FER: variants seen among roughly 807,000 people sequenced by gnomAD.
FER encodes FER tyrosine kinase.
A neutral mutation model predicts 111.0 loss-of-function variants in FER; 63 were observed. The observed-to-expected ratio is 0.57, with a 90% CI of 0.46 to 0.70. FER has a LOEUF of 0.70. FER is among the 30% of genes least tolerant of loss of function. The pLI is 0.00. For missense variants in FER, 914 were observed against 954.0 expected (o/e 0.96, Z 0.55); for synonymous variants, 327 against 313.9 (o/e 1.04, Z -0.44).
chr5:108,845,041 CATATATATATAT>C (rs1232663960), intron 5 of FER, among the ~76,000 whole-genome samples: 2 of 46,418 alleles, frequency 4.3e-5, no homozygotes, highest in Non-Finnish European at 8.3e-5. Flanking sequence ...TATATATATA[CATATATATATAT>C]ATATATATAT....
chr5:108,937,666 A>G (rs1755657786), intron 10 of FER, among the ~76,000 whole-genome samples: 1 of 151,880 alleles, frequency 6.6e-6, no homozygotes, highest in Non-Finnish European at 1.5e-5. Flanking sequence ...GTAGGGGAAT[A>G]AATGTTTCAT....
intron 3 of FER, among the ~76,000 whole-genome samples, chr5:108,800,005 G>A (rs891035552): frequency 6.6e-6 from 1 of 151,808 alleles, no homozygotes; most frequent in African/African-American, 2.4e-5. Context: ...ACTACACCTG[G>A]CTAATTTTTG....
intron 17 of FER, among the ~76,000 whole-genome samples, chr5:109,138,738 C>T (rs143746835): frequency 6.6e-6 from 1 of 152,244 alleles, no homozygotes; most frequent in African/African-American, 2.4e-5. Context: ...AGTCACTTAC[C>T]CTCTCGAAGC....
rs780976621 is a variant in FER, at chr5:109,047,137, C to T, written c.1863C>T (p.Val621=). ...ILKQYDHPNI[V]KLIGVCTQRQ... The stretch of plus-strand genomic sequence containing the variant: ...AGCAATATGATCATCCCAATATTGT[C>T]AAACTTATAGGAGTTTGCACACAAA... Residue 621 remains valine (V), a synonymous_variant, in exon 16 of 20, where the codon GTC becomes GTT. Transcript: ENST00000281092. 6.2e-6 allele frequency: 10 copies of T among 1,606,440 alleles called. No individual in the cohort carries two copies. The highest frequency in any genetic ancestry group is 5.6e-5 in the South Asian group (5 of 90,076).
intron 16 of FER, among the ~76,000 whole-genome samples, chr5:109,088,683 C>A (rs959668780): frequency 2.0e-5 from 3 of 152,074 alleles, no homozygotes; most frequent in Non-Finnish European, 4.4e-5. Flanking sequence ...ATGCATAAAT[C>A]ATTAAGCTAA....
chr5:108,777,618 TG>T (rs2149985881), intron 2 of FER, among the ~76,000 whole-genome samples: 1 of 152,306 alleles, frequency 6.6e-6, no homozygotes, highest in Admixed American at 6.5e-5. Flanking sequence ...TGGCAACCAC[TG>T]ATCTTTTTAC....
intron 13 of FER, among the ~76,000 whole-genome samples, chr5:108,960,392 T>C (rs999207152): frequency 6.6e-6 from 1 of 152,130 alleles, no homozygotes; most frequent in African/African-American, 2.4e-5. Context: ...TCTAATTCTC[T>C]GGTTAAGGAA....
At chr5:109,076,100 TA>T (rs576288251) in intron 16 of FER, among the ~76,000 whole-genome samples, 154 of 152,202 alleles carry the variant, frequency 1.0e-3, no homozygotes, top group Non-Finnish European at 1.8e-3. Context: ...CCTACATTTT[TA>T]TATTAATTAT....
At chr5:109,019,408 A>G (rs998117032) in intron 13 of FER, among the ~76,000 whole-genome samples, 18 of 151,880 alleles carry the variant, frequency 1.2e-4, no homozygotes, top group Middle Eastern at 3.4e-3. Flanking sequence ...CAAAAGTATC[A>G]TTGTTAGTAT....
At chr5:108,935,558 A>T (rs1176037186) in intron 10 of FER, among the ~76,000 whole-genome samples, 1 of 152,082 alleles carries the variant, frequency 6.6e-6, no homozygotes, top group Non-Finnish European at 1.5e-5. Context: ...GGGAGGTGGT[A>T]GTCACCATCC....
chr5:108,929,750 C>G (rs1754299815), intron 10 of FER, among the ~76,000 whole-genome samples: 2 of 151,948 alleles, frequency 1.3e-5, no homozygotes, highest in African/African-American at 4.8e-5. Flanking sequence ...GACCTTGTCT[C>G]CAAGTTAAAA....
intron 16 of FER, among the ~76,000 whole-genome samples, chr5:109,057,200 C>G (rs888615589): frequency 6.6e-6 from 1 of 152,152 alleles, no homozygotes; most frequent in Non-Finnish European, 1.5e-5. Flanking sequence ...CTCAAAGTAA[C>G]AACCTCAGCT....
intron 16 of FER, among the ~76,000 whole-genome samples, chr5:109,072,773 C>G (rs566155068): frequency 1.3e-5 from 2 of 152,134 alleles, no homozygotes; most frequent in East Asian, 3.9e-4. Flanking sequence ...GAAATTTATT[C>G]TCTCACAACT....
intron 13 of FER, among the ~76,000 whole-genome samples, chr5:108,975,289 T>C (rs1263451843): frequency 2.6e-5 from 4 of 152,086 alleles, no homozygotes; most frequent in African/African-American, 9.7e-5. Context: ...TTAGGATAAA[T>C]AGCTAATGCA....
intron 18 of FER, 64 bp from the exon 19 acceptor site, chr5:109,186,136 C>T: frequency 6.2e-7 from 1 of 1,609,962 alleles, no homozygotes; most frequent in Non-Finnish European, 8.5e-7. Context: ...ACATACATAA[C>T]CAGGAAGGGT....
chr5:109,004,518 A>G (rs1396369171), intron 13 of FER, among the ~76,000 whole-genome samples: 3 of 152,226 alleles, frequency 2.0e-5, no homozygotes, highest in Admixed American at 6.5e-5. Context: ...ATATGAAAGG[A>G]TATTATGCAG....
intron 10 of FER, among the ~76,000 whole-genome samples, chr5:108,934,581 C>T (rs1755188078): frequency 6.6e-6 from 1 of 151,980 alleles, no homozygotes; most frequent in South Asian, 2.1e-4. Flanking sequence ...TATTGGACTC[C>T]AAAATATGGG....
At chr5:109,050,770 T>C (rs1465253858) in intron 16 of FER, among the ~76,000 whole-genome samples, 1 of 152,210 alleles carries the variant, frequency 6.6e-6, no homozygotes, top group Non-Finnish European at 1.5e-5. Flanking sequence ...CACAAGTCCA[T>C]TGACACCTGG....
chr5:109,142,499 T>C (rs1753633830), intron 17 of FER, among the ~76,000 whole-genome samples: 1 of 152,140 alleles, frequency 6.6e-6, no homozygotes, highest in Admixed American at 6.6e-5. Flanking sequence ...TTTTTATAAT[T>C]AAGATAACAA....
Sources: allele counts gnomAD v4.1 joint callset (sites outside exome capture counted in the v4.1 genomes callset), GRCh38; gene constraint gnomAD v4.1.1; transcripts MANE v1.5; gene names NCBI Gene and HGNC (gene_info 2026-07-23, HGNC 2026-07-21).